The following TNFRSF1A variants were observed in gnomAD, a reference collection of about 807,000 sequenced individuals.
TNFRSF1A encodes the protein TNF receptor superfamily member 1A.
A neutral mutation model predicts 41.6 loss-of-function variants in TNFRSF1A; 9 were observed. The observed-to-expected ratio is 0.22, with a 90% confidence interval of 0.13 to 0.38. TNFRSF1A has a LOEUF of 0.38. Among genes scored for constraint, TNFRSF1A ranks in the 10% least tolerant of loss-of-function variants. The pLI is 1.00. For missense variants in TNFRSF1A, 463 were observed against 591.5 expected, an observed-to-expected ratio of 0.78 and a Z score of 2.25; for synonymous variants, 254 against 248.6, an observed-to-expected ratio of 1.02 and a Z score of -0.21.
intron 6 of TNFRSF1A, 70 bp downstream of exon 6, chr12:6,330,783 T>C: frequency 6.4e-7 from 1 of 1,574,066 alleles, no homozygotes; most frequent in Non-Finnish European, 8.7e-7. Flanking sequence ...ATGGGTGGGA[T>C]GGATGGACGG....
At chr12:6,340,837 G>A (rs758955335) in intron 1 of TNFRSF1A, among the ~76,000 whole-genome samples, 1 of 152,206 alleles carries the variant, frequency 6.6e-6, no homozygotes, top group Admixed American at 6.5e-5. Flanking sequence ...ACCAAGACGT[G>A]GAGGACGATC....
Position 6,341,334 on chromosome 12 carries a change from C to A in TNFRSF1A, c.39+442G>T, listed in dbSNP as rs1948192058. ...CACCAAGTTCCACAGGCAGCCTCGC[C>A]TCCCCACGGCCCAACACCCTCCAGG... On this transcript the variant is annotated intron_variant, in intron 1 of 9. Coordinates refer to ENST00000162749, the MANE Select transcript of TNFRSF1A (RefSeq NM_001065.4). The surrounding 1 kb of genome is among the most constrained non-coding windows in gnomAD (Gnocchi z 4.6). Among the ~76,000 whole-genome samples, 1 of 152,186 alleles carries A rather than the reference C, an allele frequency of 6.6e-6. No individual in the cohort carries two copies. The highest frequency in any genetic ancestry group is 1.5e-5 in the Non-Finnish European group (1 of 68,034).
rs1565466785 is a variant in TNFRSF1A at position 6,330,905 on chromosome 12, G to A, written c.573C>T (p.Cys191=). The A allele has an allele frequency of 6.2e-7, 1 of 1,613,594 alleles. No homozygotes were observed. The highest frequency in any genetic ancestry group is 8.5e-7 in the Non-Finnish European group (1 of 1,180,008). ...SCSNCKKSLE[C]TKLCLPQIEN... ...CAATCTGGGGTAGGCACAACTTCGT[G>A]CACTCCAGGCTTTTCTTACAGCTAA... Residue 191 remains cysteine (C), a synonymous_variant, in exon 6 of 10, where the codon TGC becomes TGT. Coordinates refer to ENST00000162749, the MANE Select transcript of TNFRSF1A (RefSeq NM_001065.4).
chr12:6,340,234 G>A (rs1304525873), intron 1 of TNFRSF1A, among the ~76,000 whole-genome samples: 1 of 152,154 alleles, frequency 6.6e-6, no homozygotes, highest in East Asian at 1.9e-4. Flanking sequence ...CTAGCCCAGA[G>A]CGCACACTTA....
chr12:6,336,401 C>T (rs1948120148), intron 1 of TNFRSF1A, among the ~76,000 whole-genome samples: 1 of 152,076 alleles, frequency 6.6e-6, no homozygotes, highest in African/African-American at 2.4e-5. Context: ...TAGCAGCTTC[C>T]CCAGCTCCTC....
chr12:6,333,285 A>C lies in TNFRSF1A; in HGVS notation c.472+82T>G, dbSNP rs4149638. 325 of 1,568,288 alleles carry C rather than the reference A, an allele frequency of 2.1e-4. 3 individuals are homozygous for C. The African/African-American group carries it at 3.9e-3, about 19-fold the overall frequency. On this transcript the variant is annotated intron_variant, in intron 4 of 9. Transcript: ENST00000162749. This position sits in a 1 kb window ranked among gnomAD's most constrained non-coding sequence, Gnocchi z 6.3. Reference sequence around the variant, plus strand: ...AGACCCACAGAATACAGGAGGGGGAAGGAAAGGAAGTGCCACCGCATGGGG... The same window carrying C: ...AGACCCACAGAATACAGGAGGGGGACGGAAAGGAAGTGCCACCGCATGGGG...
Position 6,329,111 on chromosome 12 carries a change from G to GCACCTCT in TNFRSF1A, c.*194_*200dup. On this transcript the variant is annotated 3_prime_UTR_variant, in exon 10 of 10. Transcript: ENST00000162749. ...CCACTCAGGCTCTTGAGCCCACGGC[G>GCACCTCT]CACCTCTCTCCGCGCGCACAGCGCT... 2.1e-6 allele frequency: 1 copy of GCACCTCT among 474,580 alleles called. No individual in the cohort carries two copies. Among genetic ancestry groups the GCACCTCT allele is most frequent in the Non-Finnish European group, 3.5e-6 (1 of 287,042 alleles). The allele number at this position is 474,580 out of a possible 1,614,324, so 29.4% of individuals were successfully genotyped here.
intron 1 of TNFRSF1A, among the ~76,000 whole-genome samples, chr12:6,339,841 T>TCTCACACACACACA (rs762783221): frequency 1.8e-5 from 2 of 113,650 alleles, no homozygotes; most frequent in African/African-American, 8.1e-5. Context: ...TCTCTCTCTC[T>TCTCACACACACACA]CACACACACA....
At position 6,334,360 on chromosome 12, in the gene TNFRSF1A, C is replaced by T; in HGVS notation, c.40-116G>A. The stretch of plus-strand genomic sequence containing the variant: ...TCCTTCCTCAGTGAAACATTCCGCC[C>T]AGGCCACGCCACTCACTAAGTTTAG... On this transcript the variant is annotated intron_variant, in intron 1 of 9. Transcript: ENST00000162749. The surrounding 1 kb of genome is among the most constrained non-coding windows in gnomAD (Gnocchi z 5.1). 1.2e-6 allele frequency: 1 copy of T among 834,508 alleles called. No homozygotes were observed. The highest frequency in any genetic ancestry group is 1.7e-5 in the African/African-American group (1 of 58,634). 51.7% of individuals were successfully genotyped at this position (834,508 alleles called of 1,614,324 possible).
chr12:6,341,832 T>A lies in TNFRSF1A; in HGVS notation c.-18A>T. 1 of 1,614,052 alleles carries A rather than the reference T, an allele frequency of 6.2e-7. No homozygotes were observed. Among genetic ancestry groups the A allele is most frequent in the Non-Finnish European group, 8.5e-7 (1 of 1,179,996 alleles). On this transcript the variant is annotated 5_prime_UTR_variant, in exon 1 of 10. Transcript: ENST00000162749. The surrounding 1 kb of genome is among the most constrained non-coding windows in gnomAD (Gnocchi z 4.6). ...AGGCCCATGCCAGACAGCTATGGCC[T>A]CTCACTCCCCCATTTGGGCTCAGGG... is the stretch of plus-strand genomic sequence containing the variant.
At position 6,333,068 on chromosome 12, in the gene TNFRSF1A, C is replaced by A; in HGVS notation, c.551+1G>T. On this transcript the variant is annotated splice_donor_variant, in intron 5 of 9. Transcript: ENST00000162749. LOFTEE classifies it high-confidence loss of function. This position sits in a 1 kb window ranked among gnomAD's most constrained non-coding sequence, Gnocchi z 6.3. Reference sequence around the variant, plus strand: ...GCCCAGCAGCTCTCAGAGATACTCACTTACTACAGGAGACACACTCGTTTT... The same window carrying A: ...GCCCAGCAGCTCTCAGAGATACTCAATTACTACAGGAGACACACTCGTTTT... The A allele has an allele frequency of 6.2e-7, 1 of 1,613,958 alleles. No individual in the cohort carries two copies. Among genetic ancestry groups the A allele is most frequent in the Non-Finnish European group, 8.5e-7 (1 of 1,179,856 alleles).
rs1361729409 is a variant in TNFRSF1A, at chr12:6,331,234, C to T, written c.552-308G>A. On this transcript the variant is annotated intron_variant, in intron 5 of 9. Coordinates refer to ENST00000162749, the MANE Select transcript of TNFRSF1A (RefSeq NM_001065.4). ...AGGCAAGCCATTAACCCCCAAGCCT[C>T]GGTTTCCTCATCACCACAGGGATCG... 9.0e-6 allele frequency: 4 copies of T among 443,130 alleles called. No individual in the cohort carries two copies. In the East Asian group the frequency reaches 1.4e-4, roughly 16 times the overall value. 27.4% of individuals were successfully genotyped at this position (443,130 alleles called of 1,614,324 possible).
intron 9 of TNFRSF1A, 75 bp downstream of exon 9, chr12:6,329,703 C>A (rs1226230412): frequency 1.3e-6 from 2 of 1,534,612 alleles, no homozygotes; most frequent in Admixed American, 2.1e-5. Context: ...CTCTCGTGGT[C>A]CCCTCTGGGA....
Position 6,341,858 on chromosome 12 carries a change from C to T in TNFRSF1A, c.-44G>A. On this transcript the variant is annotated 5_prime_UTR_variant, in exon 1 of 10. Coordinates refer to ENST00000162749, the MANE Select transcript of TNFRSF1A (RefSeq NM_001065.4). The surrounding 1 kb of genome is among the most constrained non-coding windows in gnomAD (Gnocchi z 4.6). ...CTCACTCCCCCATTTGGGCTCAGGG[C>T]AGTGTGGCAGCGGCAGTGCTGGGGC... 2 of 1,612,556 alleles carry T rather than the reference C, an allele frequency of 1.2e-6. No individual in the cohort carries two copies. The highest frequency in any genetic ancestry group is 3.3e-5 in the Admixed American group (2 of 60,026).
Position 6,330,623 on chromosome 12 carries a change from C to T in TNFRSF1A, c.714G>A (p.Arg238=), listed in dbSNP as rs200376188. The T allele has an allele frequency of 2.8e-4, 456 of 1,613,648 alleles. 8 individuals carry two copies. The South Asian group carries it at 4.7e-3, about 17-fold the overall frequency. ...LFIGLMYRYQ[R]WKSKLYSIVC... ...CAATGGAGTAGAGCTTGGACTTCCA[C>T]CGTTGGTAGCGATACATTAAACCAA... is the stretch of plus-strand genomic sequence containing the variant. Residue 238 remains arginine, a synonymous_variant, in exon 7 of 10, where the codon CGG becomes CGA. Transcript: ENST00000162749.
chr12:6,336,735 C>T (rs1332540826), intron 1 of TNFRSF1A, among the ~76,000 whole-genome samples: 1 of 152,242 alleles, frequency 6.6e-6, no homozygotes, highest in Non-Finnish European at 1.5e-5. Context: ...AGGCCCCGCC[C>T]CAGCTCCTCC....
chr12:6,341,793 C>A lies in TNFRSF1A; in HGVS notation c.22G>T (p.Asp8Tyr). The A allele has an allele frequency of 6.2e-7, 1 of 1,614,158 alleles. No homozygotes were observed. Among genetic ancestry groups the A allele is most frequent in the South Asian group, 1.1e-5 (1 of 91,082 alleles). Residue 8 changes from aspartate to tyrosine, a missense_variant, in exon 1 of 10, where the codon GAC becomes TAC. By Grantham distance (160) the Asp-to-Tyr change is radical (BLOSUM62 -3). Transcript: ENST00000162749. The surrounding 1 kb of genome is among the most constrained non-coding windows in gnomAD (Gnocchi z 4.6). ...GGTCTCACCAGTGGCAGCAGCAGGT[C>A]AGGCACGGTGGAGAGGCCCATGCCA... MGLSTVPDLLLPLVLLEL... is the reference protein window; with the variant it reads MGLSTVPYLLLPLVLLEL...
chr12:6,340,820 T>C (rs1318673862), intron 1 of TNFRSF1A, among the ~76,000 whole-genome samples: 1 of 152,080 alleles, frequency 6.6e-6, no homozygotes, highest in East Asian at 1.9e-4. Context: ...AACAGGATGA[T>C]TCCCGGACCA....
At chr12:6,335,341 T>TA (rs1407505080) in intron 1 of TNFRSF1A, among the ~76,000 whole-genome samples, 1 of 152,008 alleles carries the variant, frequency 6.6e-6, no homozygotes, top group Non-Finnish European at 1.5e-5. Flanking sequence ...GTGCAGGACA[T>TA]AGGCAAATAG....
Sources: allele counts gnomAD v4.1 joint callset (sites outside exome capture counted in the v4.1 genomes callset), GRCh38; gene constraint gnomAD v4.1.1; non-coding constraint Gnocchi (gnomAD v3.1); transcripts MANE v1.5; gene names NCBI Gene and HGNC (gene_info 2026-07-23, HGNC 2026-07-21).